Variants in KIFC3 observed in about 807,000 individuals in gnomAD.
The protein encoded by KIFC3 is kinesin family member C3, also known as kinesin-like protein KIFC3.
Under a neutral mutation model 101.8 loss-of-function variants are expected in KIFC3, and 60 were observed. That is an observed-to-expected ratio of 0.59 (90% CI 0.48 to 0.73). The LOEUF (loss-of-function observed/expected upper bound fraction) is 0.73. Among genes scored for constraint, KIFC3 ranks in the 30% least tolerant of loss-of-function variants. The pLI, the probability that KIFC3 is intolerant of heterozygous loss-of-function variation, is 0.00. For synonymous variants in KIFC3, 476 were observed against 482.7 expected, an observed-to-expected ratio of 0.99 and a Z score of 0.18; for missense variants, 966 against 1,137.1, an observed-to-expected ratio of 0.85 and a Z score of 2.16.
chr16:57,803,132 G>T, upstream of KIFC3: 1 of 1,120,982 alleles, frequency 8.9e-7, no homozygotes, highest in Non-Finnish European at 1.3e-6. Context: ...CCCAGCAAAT[G>T]AATATCTTCC....
intron 12 of KIFC3, among the ~76,000 whole-genome samples, chr16:57,762,774 G>A (rs1342185957): frequency 2.6e-5 from 4 of 152,100 alleles, no homozygotes; most frequent in East Asian, 3.9e-4. Context: ...CCGGGACCTC[G>A]AGGCCCTGGG....
intron 1 of KIFC3, among the ~76,000 whole-genome samples, chr16:57,847,568 T>G (rs1393862643): frequency 1.3e-5 from 2 of 152,028 alleles, no homozygotes; most frequent in African/African-American, 4.8e-5. Flanking sequence ...TTCCACAAAT[T>G]GATTCTGTCA....
chr16:57,769,512 T>C lies in KIFC3; in HGVS notation c.1218+83A>G, dbSNP rs551084508. 4.1e-5 allele frequency: 62 copies of C among 1,520,944 alleles called. 1 individual carries two copies. In the African/African-American group the frequency reaches 6.4e-4, roughly 16 times the overall value. The allele number at this position is 1,520,944 out of a possible 1,614,324, so 94.2% of individuals were successfully genotyped here. A position where few individuals can be genotyped will look rare whatever the true frequency, so the allele number is the denominator to read the frequency against. On this transcript the variant is annotated intron_variant, in intron 9 of 19. Coordinates refer to ENST00000445690, the MANE Select transcript of KIFC3 (RefSeq NM_001130100.2). The surrounding 1 kb of genome is among the most constrained non-coding windows in gnomAD (Gnocchi z 4.3). ...TGTCTGAGCGGCTTTGTCTGAGCTT[T>C]GGAGGGACGCCCTGAGTGGATGTCG...
chr16:57,760,309 C>T lies in KIFC3; in HGVS notation c.2340G>A (p.Gly780=). Residue 780 remains glycine (G), a synonymous_variant, in exon 17 of 20, where the codon GGG becomes GGA. Coordinates refer to ENST00000445690, the MANE Select transcript of KIFC3 (RefSeq NM_001130100.2). ...LGPGLRRAEL[G]SWSSQEHLEW... ...CTAGATGCTCCTGGCTTGACCAGGACCCAAGCTCTGCCCTGCGTAGCCCAG... is the reference window on the plus strand; with the variant it reads ...CTAGATGCTCCTGGCTTGACCAGGATCCAAGCTCTGCCCTGCGTAGCCCAG... 6.2e-7 allele frequency: 1 copy of T among 1,613,780 alleles called. No individual in the cohort carries two copies. Among genetic ancestry groups the T allele is most frequent in the Non-Finnish European group, 8.5e-7 (1 of 1,179,894 alleles).
Position 57,761,178 on chromosome 16 carries a change from G to C in KIFC3, c.1873-7C>G. ...TGTGGCCAAACTCAAACACCTGGGG[G>C]ATTGGGAGGAGGGCAGAGGCACAGC... On this transcript the variant is annotated splice_region_variant and splice_polypyrimidine_tract_variant and intron_variant, in intron 14 of 19. Coordinates refer to ENST00000445690, the MANE Select transcript of KIFC3 (RefSeq NM_001130100.2). 1 of 1,613,626 alleles carries C rather than the reference G, an allele frequency of 6.2e-7. No individual in the cohort carries two copies. The highest frequency in any genetic ancestry group is 8.5e-7 in the Non-Finnish European group (1 of 1,179,850).
intron 3 of KIFC3, chr16:57,779,840 A>G (rs75670824): frequency 0.073 from 11,042 of 151,952 alleles, 458 homozygotes; most frequent in South Asian, 0.12. Context: ...TAAATAAATA[A>G]ATAGATAGAT....
rs1555623853 is a variant in KIFC3 at position 57,798,122 on chromosome 16, C to A, written c.122G>T (p.Ser41Ile). ...GTGTGGGAAAGGGCGGGCGGCCGGGCTGGCTGGGGCTGGGGCGGGGCGAGC... is the reference window on the plus strand; with the variant it reads ...GTGTGGGAAAGGGCGGGCGGCCGGGATGGCTGGGGCTGGGGCGGGGCGAGC... ...GMARPAPAPA[S>I]PAARPFPHTG... Residue 41 changes from serine to isoleucine, a missense_variant, in exon 2 of 20, where the codon AGC (serine) becomes ATC (isoleucine). This residue lies in a region of KIFC3 where 277 missense variants were observed against 252.5 expected (regional missense o/e 1.10). Transcript: ENST00000445690. The A allele has an allele frequency of 1.3e-6, 2 of 1,568,396 alleles. No homozygotes were observed. The highest frequency in any genetic ancestry group is 8.6e-7 in the Non-Finnish European group (1 of 1,157,188).
At chr16:57,788,721 G>A in intron 3 of KIFC3, 1 of 1,289,482 alleles carries the variant, frequency 7.8e-7, no homozygotes, top group South Asian at 1.2e-5. Flanking sequence ...CTGCTGCCAA[G>A]ACACAACCAG....
intron 1 of KIFC3, among the ~76,000 whole-genome samples, chr16:57,857,955 T>A (rs2056214717): frequency 6.6e-6 from 1 of 151,152 alleles, no homozygotes; most frequent in Admixed American, 6.6e-5. Context: ...GCCTCCCGAG[T>A]AGCTGGCACA....
chr16:57,774,415 A>G (rs1358716316), intron 3 of KIFC3: 2 of 152,382 alleles, frequency 1.3e-5, no homozygotes, highest in Non-Finnish European at 2.9e-5. Context: ...GCTCATCAAC[A>G]TATTAAGTCC....
intron 2 of KIFC3, chr16:57,797,828 C>T (rs1409964949): frequency 6.3e-6 from 9 of 1,423,572 alleles, no homozygotes; most frequent in African/African-American, 1.5e-5. Flanking sequence ...GCTCTGTGCC[C>T]GACCCGTGTT....
intron 3 of KIFC3, among the ~76,000 whole-genome samples, chr16:57,786,659 T>G (rs2053357183): frequency 1.3e-5 from 2 of 152,100 alleles, no homozygotes. Flanking sequence ...CCTCGGAGCC[T>G]GGGGCTCTAG....
intron 3 of KIFC3, among the ~76,000 whole-genome samples, chr16:57,783,417 A>T (rs1469412362): frequency 6.6e-6 from 1 of 151,662 alleles, no homozygotes; most frequent in Admixed American, 6.6e-5. Context: ...GTACACCTTC[A>T]AGGGGAGAAT....
Position 57,771,434 on chromosome 16 carries a change from T to G in KIFC3, c.529A>C (p.Ser177Arg), listed in dbSNP as rs781831622. The change falls in exon 6 of 20, where the codon AGC (serine) becomes CGC (arginine). Residue 177 changes from serine to arginine, a missense_variant. Coordinates refer to ENST00000445690, the MANE Select transcript of KIFC3 (RefSeq NM_001130100.2). ...GACAGCTTGTCACGGAGCTGGGCGCTCTCCTGCAGCCATTGGGAGGCACTG... is the reference window on the plus strand; with the variant it reads ...GACAGCTTGTCACGGAGCTGGGCGCGCTCCTGCAGCCATTGGGAGGCACTG... ...PCPGCEHSQE[S>R]AQLRDKLSQL... 6.9e-5 allele frequency: 111 copies of G among 1,613,392 alleles called. No individual in the cohort carries two copies. Among genetic ancestry groups the G allele is most frequent in the Non-Finnish European group, 9.1e-5 (107 of 1,180,020 alleles).
intron 3 of KIFC3, among the ~76,000 whole-genome samples, chr16:57,781,104 G>A (rs1356897729): frequency 6.6e-6 from 1 of 152,186 alleles, no homozygotes. Flanking sequence ...GATCTCTTGA[G>A]CCCAGGAGTT....
intron 17 of KIFC3, chr16:57,760,055 C>G (rs1456059096): frequency 3.2e-6 from 2 of 620,854 alleles, no homozygotes; most frequent in Non-Finnish European, 5.6e-6. Flanking sequence ...CTACTATGTG[C>G]CACCCCCACG....
chr16:57,819,184 T>C (rs528747612), intron 1 of KIFC3, among the ~76,000 whole-genome samples: 1 of 152,302 alleles, frequency 6.6e-6, no homozygotes, highest in South Asian at 2.1e-4. Context: ...AAATCCGTAC[T>C]ATTGGCTGGG....
chr16:57,775,226 G>C (rs1347594663), intron 3 of KIFC3: 2 of 1,316,734 alleles, frequency 1.5e-6, no homozygotes, highest in Admixed American at 3.8e-5. Flanking sequence ...GGGAGCATGG[G>C]GGATGGTGAG....
intron 1 of KIFC3, among the ~76,000 whole-genome samples, chr16:57,800,433 C>G (rs1315314677): frequency 6.6e-6 from 1 of 152,186 alleles, no homozygotes; most frequent in Non-Finnish European, 1.5e-5. Context: ...CTCCAGGCTG[C>G]CTGGCACAGA....
Sources: allele counts gnomAD v4.1 joint callset (sites outside exome capture counted in the v4.1 genomes callset), GRCh38; gene constraint gnomAD v4.1.1; regional missense constraint gnomAD v4.1.1; non-coding constraint Gnocchi (gnomAD v3.1); transcripts MANE v1.5; gene names NCBI Gene and HGNC (gene_info 2026-07-23, HGNC 2026-07-21).